The following CDCA8 variants were observed in gnomAD, a reference collection of about 807,000 sequenced individuals.
The protein encoded by CDCA8 is cell division cycle associated 8.
Under a neutral mutation model 40.0 loss-of-function variants are expected in CDCA8, and 25 were observed. That is an observed-to-expected ratio of 0.63 (90% confidence interval 0.46 to 0.87). CDCA8 has a LOEUF of 0.87. Among genes scored for constraint, CDCA8 ranks in the 40% least tolerant of loss-of-function variants. CDCA8 has a pLI of 0.00. For missense variants in CDCA8, 280 were observed against 348.4 expected, an observed-to-expected ratio of 0.80 and a Z score of 1.56; for synonymous variants, 111 against 126.5, an observed-to-expected ratio of 0.88 and a Z score of 0.82.
At chr1:37,695,692 G>C (rs1645521918) in intron 2 of CDCA8, among the ~76,000 whole-genome samples, 1 of 152,184 alleles carries the variant, frequency 6.6e-6, no homozygotes, top group African/African-American at 2.4e-5. Context: ...TAAGTACGGA[G>C]GTGAATTTCA....
Position 37,707,025 on chromosome 1 carries a change from G to C in CDCA8, c.759G>C (p.Gln253His). ...ASDLQRHSIA[Q>H]LDPEALGNIK... Reference sequence around the variant, plus strand: ...ACTTGCAGAGGCACAGTATTGCCCAGCTGGATCCAGAGGCCTTGGGAAACA... The same window carrying C: ...ACTTGCAGAGGCACAGTATTGCCCACCTGGATCCAGAGGCCTTGGGAAACA... Residue 253 changes from glutamine to histidine, a missense_variant, in exon 9 of 10, where the codon CAG becomes CAC. Transcript: ENST00000373055. 2 of 1,614,220 alleles carry C rather than the reference G, an allele frequency of 1.2e-6. No individual in the cohort carries two copies. Among genetic ancestry groups the C allele is most frequent in the Non-Finnish European group, 1.7e-6 (2 of 1,180,014 alleles).
In CDCA8 at chr1:37,692,624, C is replaced by T. The variant is rs1306166002; in HGVS notation, c.-67C>T. The T allele has an allele frequency of 4.6e-6, 6 of 1,306,344 alleles. No homozygotes were observed. Among genetic ancestry groups the T allele is most frequent in the Admixed American group, 3.8e-5 (2 of 52,632 alleles). The allele number at this position is 1,306,344 out of a possible 1,614,324, so 80.9% of individuals were successfully genotyped here. A position where few individuals can be genotyped will look rare whatever the true frequency, so the allele number is the denominator to read the frequency against. On this transcript the variant is annotated 5_prime_UTR_variant, in exon 1 of 10. Transcript: ENST00000373055. Reference sequence around the variant, plus strand: ...TCGGGTGGTCCCCGTCCGCCCTCCTCGTCCCTACCCAGTTTCTTGCTTCCC... The same window carrying T: ...TCGGGTGGTCCCCGTCCGCCCTCCTTGTCCCTACCCAGTTTCTTGCTTCCC...
rs779438508 is a variant in CDCA8, at chr1:37,692,931, T to C, written c.121T>C (p.Ser41Pro). The change falls in exon 2 of 10, where the codon TCA becomes CCA. Residue 41 changes from serine to proline, a missense_variant. Physicochemically the swap from Ser to Pro is moderately conservative, Grantham distance 74. Coordinates refer to ENST00000373055, the MANE Select transcript of CDCA8 (RefSeq NM_001256875.2). Reference protein sequence around the residue: ...EVEIRIKQIESDRQNLLKEVD... With the variant: ...EVEIRIKQIEPDRQNLLKEVD... ...GGAAATACGAATCAAGCAAATTGAG[T>C]CAGACAGGCAGAACCTCCTCAAGGA... 3.1e-6 allele frequency: 5 copies of C among 1,613,572 alleles called. No homozygotes were observed. The highest frequency in any genetic ancestry group is 3.3e-5 in the Admixed American group (2 of 59,966).
chr1:37,701,462 C>T (rs1462328491), intron 5 of CDCA8, among the ~76,000 whole-genome samples: 3 of 152,114 alleles, frequency 2.0e-5, no homozygotes, highest in Admixed American at 6.5e-5. Context: ...TTCACAGCAG[C>T]CCTTTATGTA....
At chr1:37,707,117 G>T in intron 9 of CDCA8, 53 bp downstream of exon 9, 2 of 1,326,194 alleles carry the variant, frequency 1.5e-6, no homozygotes, top group Non-Finnish European at 2.2e-6. Context: ...GCTTTCTTGG[G>T]CTACCTTTAT....
At chr1:37,692,874 C>T (rs1645480297) in intron 1 of CDCA8, 31 bp from the exon 2 acceptor site, 2 of 1,613,334 alleles carry the variant, frequency 1.2e-6, no homozygotes, top group East Asian at 2.2e-5. Flanking sequence ...CCGCCCGTGA[C>T]CCGTGTCCTG....
In CDCA8 at chr1:37,692,969, C is replaced by T. The variant is rs142159015; in HGVS notation, c.159C>T (p.Leu53=). The T allele has an allele frequency of 1.9e-6, 3 of 1,614,024 alleles. No homozygotes were observed. In the African/African-American group the frequency reaches 4.0e-5, roughly 22 times the overall value. The change falls in exon 2 of 10, where the codon CTC becomes CTT. Residue 53 remains leucine (L), a synonymous_variant. Coordinates refer to ENST00000373055, the MANE Select transcript of CDCA8 (RefSeq NM_001256875.2). ...RQNLLKEVDN[L]YNIEILRLPK... Reference sequence around the variant, plus strand: ...ACCTCCTCAAGGAGGTGGATAACCTCTACAACATCGAGATCCTGCGGCTCC... The same window carrying T: ...ACCTCCTCAAGGAGGTGGATAACCTTTACAACATCGAGATCCTGCGGCTCC...
At chr1:37,698,805 A>G (rs181041622) in intron 3 of CDCA8, 100 bp from the exon 4 acceptor site, 71 of 757,632 alleles carry the variant, frequency 9.4e-5, no homozygotes, top group Non-Finnish European at 9.5e-5. Flanking sequence ...TAACAGTCTT[A>G]TGTATTAAAT....
Position 37,698,997 on chromosome 1 carries a change from C to G in CDCA8, c.337+20C>G. 1 of 1,556,128 alleles carries G rather than the reference C, an allele frequency of 6.4e-7. No individual in the cohort carries two copies. The highest frequency in any genetic ancestry group is 1.1e-5 in the South Asian group (1 of 89,828). On this transcript the variant is annotated intron_variant, in intron 4 of 9. Transcript: ENST00000373055. ...CCAAAAGTGAGTACCTTTCAAAACTCCTTGTTGTACAGAAAGAACTGAGGC... is the reference window on the plus strand; with the variant it reads ...CCAAAAGTGAGTACCTTTCAAAACTGCTTGTTGTACAGAAAGAACTGAGGC...
At chr1:37,704,937 G>C (rs1006691574) in intron 7 of CDCA8, among the ~76,000 whole-genome samples, 1 of 152,052 alleles carries the variant, frequency 6.6e-6, no homozygotes, top group Non-Finnish European at 1.5e-5. Flanking sequence ...TATGAGCCAC[G>C]GCACTCAGCC....
At chr1:37,692,878 T>C (rs367778850) in intron 1 of CDCA8, 27 bp from the exon 2 acceptor site, 155 of 1,613,298 alleles carry the variant, frequency 9.6e-5, no homozygotes, top group Non-Finnish European at 1.2e-4. Context: ...CCGTGACCCG[T>C]GTCCTGTCGG....
chr1:37,692,849 G>A (rs991001815), intron 1 of CDCA8, 56 bp from the exon 2 acceptor site: 52 of 1,612,660 alleles, frequency 3.2e-5, no homozygotes, highest in Admixed American at 1.2e-4. Flanking sequence ...GGGGACACGA[G>A]CTGCACAGAT....
rs1294131496 is a variant in CDCA8 at position 37,692,971 on chromosome 1, A to G, written c.161A>G (p.Tyr54Cys). The change falls in exon 2 of 10, where the codon TAC (tyrosine) becomes TGC (cysteine). Residue 54 changes from tyrosine (Y) to cysteine (C), a missense_variant. By Grantham distance (194) the Tyr-to-Cys change is radical (BLOSUM62 -2). Transcript: ENST00000373055. ...CTCCTCAAGGAGGTGGATAACCTCT[A>G]CAACATCGAGATCCTGCGGCTCCCC... ...QNLLKEVDNLYNIEILRLPKA... is the reference protein window; with the variant it reads ...QNLLKEVDNLCNIEILRLPKA... The G allele has an allele frequency of 1.2e-6, 2 of 1,614,074 alleles. No individual in the cohort carries two copies. The highest frequency in any genetic ancestry group is 1.7e-6 in the Non-Finnish European group (2 of 1,179,972).
At chr1:37,707,787 C>CTCTG (rs1327315690) in intron 9 of CDCA8, among the ~76,000 whole-genome samples, 1 of 152,216 alleles carries the variant, frequency 6.6e-6, no homozygotes, top group African/African-American at 2.4e-5. Flanking sequence ...TGCTGCTGCA[C>CTCTG]TCCAGCCTGG....
rs772199633 is a variant in CDCA8 at position 37,706,951 on chromosome 1, G to A, written c.712-27G>A. 16 of 1,602,714 alleles carry A rather than the reference G, an allele frequency of 1.0e-5. 1 individual carries two copies. In the Admixed American group the frequency reaches 2.5e-4, roughly 25 times the overall value. On this transcript the variant is annotated intron_variant, in intron 8 of 9. Transcript: ENST00000373055. ...GTTCCGGCCCTAAGGGCCATGGCCA[G>A]TTTAACCCACTCCCCTTTCTATTCA...
Position 37,692,884 on chromosome 1 carries a change from G to C in CDCA8, c.95-21G>C, listed in dbSNP as rs371464994. The C allele has an allele frequency of 1.9e-6, 3 of 1,613,670 alleles. No homozygotes were observed. In the African/African-American group the frequency reaches 4.0e-5, roughly 22 times the overall value. On this transcript the variant is annotated intron_variant, in intron 1 of 9. Coordinates refer to ENST00000373055, the MANE Select transcript of CDCA8 (RefSeq NM_001256875.2). ...TTCGCCCGCCCGTGACCCGTGTCCTGTCGGCTCTGCCCTCCCGCAGTGGAA... is the reference window on the plus strand; with the variant it reads ...TTCGCCCGCCCGTGACCCGTGTCCTCTCGGCTCTGCCCTCCCGCAGTGGAA...
intron 3 of CDCA8, among the ~76,000 whole-genome samples, chr1:37,698,545 C>T (rs1645542235): frequency 6.6e-6 from 1 of 152,232 alleles, no homozygotes; most frequent in South Asian, 2.1e-4. Context: ...TGTGTGCACA[C>T]ATGTATACAC....
In CDCA8 at chr1:37,709,113, G is replaced by A. The variant is rs1053103134; in HGVS notation, c.*747G>A. On this transcript the variant is annotated 3_prime_UTR_variant, in exon 10 of 10. Transcript: ENST00000373055. ...TTTACTGAAGACCAAATACTGGTTT[G>A]GAGACAACTTCCATGTCTTGCTCTT... The A allele has an allele frequency of 6.6e-6, 1 of 152,260 alleles. No homozygotes were observed. The highest frequency in any genetic ancestry group is 1.5e-5 in the Non-Finnish European group (1 of 68,110). The allele number at this position is 152,260 out of a possible 1,614,324, so 9.4% of individuals were successfully genotyped here.
At position 37,692,763 on chromosome 1, in the gene CDCA8, C is replaced by T. The variant is rs764094289; in HGVS notation, c.73C>T (p.Leu25=). Residue 25 remains leucine (L), a synonymous_variant, in exon 1 of 10, where the codon CTG becomes TTG. Transcript: ENST00000373055. ...SLRRRKLASF[L]KDFDREVEIR... ...ACGGAGGCGGAAGCTCGCCTCCTTT[C>T]TGAAAGACTTCGACCGTGAAGGTAA... is the stretch of plus-strand genomic sequence containing the variant. 17 of 1,613,690 alleles carry T rather than the reference C, an allele frequency of 1.1e-5. No homozygotes were observed. Among genetic ancestry groups the T allele is most frequent in the Non-Finnish European group, 1.3e-5 (15 of 1,180,000 alleles).
Sources: gnomAD v4.1 joint callset for allele counts (sites outside exome capture counted in the v4.1 genomes callset) on GRCh38, gnomAD v4.1.1 for gene constraint, MANE v1.5 for transcripts, NCBI Gene and HGNC (gene_info 2026-07-23, HGNC 2026-07-21) for gene names.